Variants in TBXAS1 observed in about 807,000 individuals in gnomAD.
The protein encoded by TBXAS1 is thromboxane-A synthase.
A neutral mutation model predicts 60.7 loss-of-function variants in TBXAS1; 48 were observed. The ratio of observed to expected loss-of-function variants is 0.79; its 90% CI spans 0.63 to 1.01. The LOEUF (loss-of-function observed/expected upper bound fraction) is 1.01, where lower values mean the gene tolerates loss of function less well. TBXAS1 is among the 50% of genes least tolerant of loss of function. The pLI, the probability that TBXAS1 is intolerant of heterozygous loss-of-function variation, is 0.00. For synonymous variants in TBXAS1, 287 were observed against 269.7 expected (o/e 1.06, Z -0.63); for missense variants, 685 against 686.3 (o/e 1.00, Z 0.02).
chr7:139,793,289 G>T (rs139618272), intron 4 of TBXAS1, among the ~76,000 whole-genome samples: 2 of 152,004 alleles, frequency 1.3e-5, no homozygotes, highest in African/African-American at 4.8e-5. Context: ...ACATGGTGGC[G>T]CACTCTTGTA....
At chr7:140,000,257 T>A (rs1183619158) in intron 9 of TBXAS1, among the ~76,000 whole-genome samples, 1 of 152,126 alleles carries the variant, frequency 6.6e-6, no homozygotes, top group African/African-American at 2.4e-5. Flanking sequence ...CCCAGTACTT[T>A]AGGAGGCTGA....
At chr7:139,805,708 TTCTTTCTC>T (rs1474337077) in intron 4 of TBXAS1, among the ~76,000 whole-genome samples, 3 of 21,148 alleles carry the variant, frequency 1.4e-4, no homozygotes, top group Non-Finnish European at 2.1e-4. Flanking sequence ...CTTTCTTTCT[TTCTTTCTC>T]TCTCTCTCTC....
chr7:139,834,409 A>T (rs568071959), intron 1 of TBXAS1, among the ~76,000 whole-genome samples: 2 of 152,226 alleles, frequency 1.3e-5, no homozygotes, highest in African/African-American at 2.4e-5. Flanking sequence ...AAGGAACTAG[A>T]GAAATAGAAA....
Position 139,955,493 on chromosome 7 carries a change from AG to A in TBXAS1, c.575del (p.Ser192ThrfsTer19), listed in dbSNP as rs1809780195. The stretch of plus-strand genomic sequence containing the variant: ...CAATTACACCACAGATGTGGTTGCC[AG>A]CGTCGCCTTTGGCACCCCGGTGGAC... ...YCNYTTDVVA[S>X]VAFGTPVDSW... is the part of the protein sequence containing the mutation. On this transcript the variant is annotated frameshift_variant, in exon 7 of 13. Transcript: ENST00000448866. LOFTEE classifies it high-confidence loss of function. 1 of 1,614,100 alleles carries A rather than the reference AG, an allele frequency of 6.2e-7. No homozygotes were observed. The highest frequency in any genetic ancestry group is 1.1e-5 in the South Asian group (1 of 91,086).
intron 1 of TBXAS1, among the ~76,000 whole-genome samples, chr7:139,864,856 C>T (rs890085054): frequency 1.3e-5 from 2 of 152,088 alleles, no homozygotes; most frequent in African/African-American, 4.8e-5. Flanking sequence ...ACTGAGATAC[C>T]GATTCTGTTG....
At chr7:139,796,034 A>C (rs1443016750) in intron 4 of TBXAS1, among the ~76,000 whole-genome samples, 1 of 152,214 alleles carries the variant, frequency 6.6e-6, no homozygotes, top group East Asian at 1.9e-4. Context: ...ATATGTGTCT[A>C]ATCTCAGGGG....
At chr7:139,835,350 G>T (rs78479119) in intron 1 of TBXAS1, among the ~76,000 whole-genome samples, 1 of 152,100 alleles carries the variant, frequency 6.6e-6, no homozygotes, top group African/African-American at 2.4e-5. Context: ...TTTCAGGCGT[G>T]AGCCAACACG....
intron 3 of TBXAS1, among the ~76,000 whole-genome samples, chr7:139,786,550 CTTTT>C (rs754504996): frequency 3.3e-5 from 5 of 151,940 alleles, no homozygotes; most frequent in Non-Finnish European, 7.4e-5. Context: ...TTCTTTCTTT[CTTTT>C]TATTTTATTT....
In TBXAS1 at chr7:139,875,572, G is replaced by A. The variant is rs1350971872; in HGVS notation, c.184-13G>A. The stretch of plus-strand genomic sequence containing the variant: ...TTAATCTTATTCTTACTATAGTGCT[G>A]TGTTTCCTTCAGGGTTTTTGGGAAA... On this transcript the variant is annotated splice_polypyrimidine_tract_variant and intron_variant, in intron 2 of 12. Transcript: ENST00000448866. The A allele has an allele frequency of 2.5e-6, 4 of 1,613,254 alleles. 1 individual carries two copies. Among genetic ancestry groups the A allele is most frequent in the East Asian group, 2.2e-5 (1 of 44,872 alleles).
intron 9 of TBXAS1, among the ~76,000 whole-genome samples, chr7:139,965,475 T>C (rs1318479802): frequency 3.3e-5 from 5 of 152,072 alleles, no homozygotes; most frequent in Non-Finnish European, 7.4e-5. Flanking sequence ...CGCTCTGTCA[T>C]CCAGGCTGGA....
chr7:139,951,642 A>T (rs1809277355), intron 5 of TBXAS1, among the ~76,000 whole-genome samples: 1 of 146,506 alleles, frequency 6.8e-6, no homozygotes, highest in Non-Finnish European at 1.5e-5. Context: ...GCATGGTGGC[A>T]CACACCTGTA....
chr7:139,855,560 A>G (rs1585641402), intron 1 of TBXAS1, among the ~76,000 whole-genome samples: 1 of 152,268 alleles, frequency 6.6e-6, no homozygotes, highest in Middle Eastern at 3.4e-3. Flanking sequence ...TTGAGATCAG[A>G]ATGTCAGACA....
At chr7:139,862,151 A>G (rs1801017313) in intron 1 of TBXAS1, among the ~76,000 whole-genome samples, 1 of 152,238 alleles carries the variant, frequency 6.6e-6, no homozygotes, top group Non-Finnish European at 1.5e-5. Context: ...CAAAGCATCC[A>G]TCAAGTTGGA....
At chr7:139,915,253 T>C (rs188515384) in intron 4 of TBXAS1, among the ~76,000 whole-genome samples, 1 of 152,248 alleles carries the variant, frequency 6.6e-6, no homozygotes, top group African/African-American at 2.4e-5. Flanking sequence ...TGGTTCCCTC[T>C]TATCCATATG....
Position 139,850,750 on chromosome 7 carries a change from A to G in TBXAS1, c.89+21271A>G, listed in dbSNP as rs563820243. 4.5e-4 allele frequency among the ~76,000 whole-genome samples: 69 copies of G among 152,254 alleles called. 1 individual carries two copies. Among genetic ancestry groups the G allele is most frequent in the Middle Eastern group, 6.8e-3 (2 of 294 alleles). ...GGATGCTGAGATGGACAGAGGGAGG[A>G]CGACATGTAGATATAGTCACACAGG... On this transcript the variant is annotated intron_variant, in intron 1 of 12. Transcript: ENST00000448866.
intron 4 of TBXAS1, among the ~76,000 whole-genome samples, chr7:139,800,521 A>G (rs143794665): frequency 6.6e-6 from 1 of 151,824 alleles, no homozygotes; most frequent in Non-Finnish European, 1.5e-5. Flanking sequence ...CACTATTCTT[A>G]TTACCTGTTT....
At chr7:139,953,871 C>G (rs1425432183) in intron 6 of TBXAS1, among the ~76,000 whole-genome samples, 1 of 152,222 alleles carries the variant, frequency 6.6e-6, no homozygotes, top group Non-Finnish European at 1.5e-5. Flanking sequence ...CATTTTGTAA[C>G]TAAAAGGTTT....
chr7:139,953,858 C>T (rs1039937656), intron 6 of TBXAS1, among the ~76,000 whole-genome samples: 3 of 152,154 alleles, frequency 2.0e-5, no homozygotes, highest in East Asian at 1.9e-4. Flanking sequence ...TCTGGCTTTT[C>T]GTCATTTTGT....
At chr7:139,800,780 T>C (rs1388401739) in intron 4 of TBXAS1, among the ~76,000 whole-genome samples, 2 of 152,220 alleles carry the variant, frequency 1.3e-5, no homozygotes, top group African/African-American at 4.8e-5. Context: ...GTTTGTGACC[T>C]TCTCATATTT....
Sources: gnomAD v4.1 joint callset for allele counts (sites outside exome capture counted in the v4.1 genomes callset) on GRCh38, gnomAD v4.1.1 for gene constraint, MANE v1.5 for transcripts, NCBI Gene and HGNC (gene_info 2026-07-23, HGNC 2026-07-21) for gene names.